PIK3R3: variants seen among roughly 807,000 people sequenced by gnomAD.
PIK3R3 encodes the protein phosphatidylinositol 3-kinase regulatory subunit gamma.
In PIK3R3, 64 loss-of-function variants were observed where a neutral mutation model predicts 62.9. The observed-to-expected ratio is 1.02, with a 90% CI of 0.83 to 1.25. The LOEUF is 1.25. PIK3R3 is among the 50% of genes most tolerant of loss of function. PIK3R3 has a pLI of 0.00. For synonymous variants in PIK3R3, 165 were observed against 189.0 expected (o/e 0.87, Z 1.04); for missense variants, 614 against 561.6 (o/e 1.09, Z -0.94).
At chr1:46,102,861 T>C (rs1030010240) in intron 1 of PIK3R3, among the ~76,000 whole-genome samples, 3 of 132,076 alleles carry the variant, frequency 2.3e-5, no homozygotes, top group Admixed American at 7.9e-5. Flanking sequence ...AGAGACATTA[T>C]AGTAGCAGAC....
At chr1:46,136,068 T>C (rs1159215278), upstream of PIK3R3, among the ~76,000 whole-genome samples, 1 of 140,294 alleles carries the variant, frequency 7.1e-6, no homozygotes, top group Non-Finnish European at 1.6e-5. Flanking sequence ...AATGGAAATA[T>C]ACTTTTTTTT....
chr1:46,095,750 T>G (rs1652064265), intron 1 of PIK3R3, among the ~76,000 whole-genome samples: 1 of 152,210 alleles, frequency 6.6e-6, no homozygotes, highest in Non-Finnish European at 1.5e-5. Context: ...ATTGATACAT[T>G]AATGTGATTC....
In PIK3R3 at chr1:46,077,586, A is replaced by T; in HGVS notation, c.243T>A (p.Asp81Glu). The T allele has an allele frequency of 1.9e-6, 3 of 1,611,274 alleles. No homozygotes were observed. The highest frequency in any genetic ancestry group is 2.5e-6 in the Non-Finnish European group (3 of 1,177,464). The change falls in exon 3 of 10, where the codon GAT (aspartate) becomes GAA (glutamate). Residue 81 changes from aspartate (D) to glutamate (E), a missense_variant. Physicochemically the swap from Asp to Glu is conservative, Grantham distance 45 (BLOSUM62 2). Coordinates refer to ENST00000262741, the MANE Select transcript of PIK3R3 (RefSeq NM_003629.4). ...SREEVNDKLR[D>E]MPDGTFLVRD... is the part of the protein sequence containing the mutation. The stretch of plus-strand genomic sequence containing the variant: ...GGACCAAGAAGGTCCCATCTGGCAT[A>T]TCCCGCAATTTGTCATTTACCTCCT...
At position 46,043,725 on chromosome 1, in the gene PIK3R3, T is replaced by G; in HGVS notation, c.1334A>C (p.Asn445Thr). 1.2e-6 allele frequency: 2 copies of G among 1,614,220 alleles called. No individual in the cohort carries two copies. Among genetic ancestry groups the G allele is most frequent in the Non-Finnish European group, 1.7e-6 (2 of 1,180,026 alleles). Residue 445 changes from asparagine (N) to threonine (T), a missense_variant, in exon 10 of 10, where the codon AAC becomes ACC. Coordinates refer to ENST00000262741, the MANE Select transcript of PIK3R3 (RefSeq NM_003629.4). ...TSLVQHNDSL[N>T]VRLAYPVHAQ... is the part of the protein sequence containing the mutation. ...ATGAACAGGGTAGGCAAGCCTGACG[T>G]TGAGGGAGTCGTTGTGCTGAACCAA...
intron 1 of PIK3R3, among the ~76,000 whole-genome samples, chr1:46,094,449 CTAAAAA>C (rs1305898580): frequency 1.3e-5 from 2 of 151,784 alleles, no homozygotes; most frequent in East Asian, 3.9e-4. Context: ...TTTTGAAAGC[CTAAAAA>C]TAAAATTATG....
At chr1:46,045,617 CTTTTTT>C (rs1031388121) in intron 9 of PIK3R3, among the ~76,000 whole-genome samples, 15 of 21,212 alleles carry the variant, frequency 7.1e-4, no homozygotes, top group East Asian at 2.6e-3. Flanking sequence ...CAATTAAGTG[CTTTTTT>C]TTTTTTTTTT....
chr1:46,109,411 T>C, intron 1 of PIK3R3, among the ~76,000 whole-genome samples: 1 of 152,150 alleles, frequency 6.6e-6, no homozygotes. Flanking sequence ...TCACTTTAAA[T>C]TGTACACTGT....
intron 3 of PIK3R3, among the ~76,000 whole-genome samples, chr1:46,076,917 T>TA (rs910939916): frequency 2.6e-5 from 4 of 152,228 alleles, no homozygotes; most frequent in African/African-American, 4.8e-5. Flanking sequence ...ATTTCCTTTT[T>TA]AAAAAAAATC....
At chr1:46,052,046 G>A (rs915707395) in intron 7 of PIK3R3, among the ~76,000 whole-genome samples, 1 of 152,072 alleles carries the variant, frequency 6.6e-6, no homozygotes, top group Non-Finnish European at 1.5e-5. Context: ...GCTGAGGCAG[G>A]AGAATGGCGT....
At chr1:46,048,893 TA>T (rs1647184423) in intron 7 of PIK3R3, among the ~76,000 whole-genome samples, 1 of 152,198 alleles carries the variant, frequency 6.6e-6, no homozygotes, top group South Asian at 2.1e-4. Context: ...GATTAGATTT[TA>T]AAAACCATTT....
At chr1:46,105,882 A>T (rs758419460) in intron 1 of PIK3R3, among the ~76,000 whole-genome samples, 4 of 152,186 alleles carry the variant, frequency 2.6e-5, no homozygotes, top group Non-Finnish European at 2.9e-5. Flanking sequence ...AAAACAGCTC[A>T]TAATTGAAGC....
rs1256331366 is a variant in PIK3R3, at chr1:46,046,631, A to C, written c.942-6T>G. The C allele has an allele frequency of 3.1e-6, 5 of 1,606,942 alleles. No homozygotes were observed. In the Admixed American group the frequency reaches 8.3e-5, roughly 27 times the overall value. Reference sequence around the variant, plus strand: ...CTCCTTTGTGATTGAGCCATCTGCCAGAGGAAAGACACCAGTGTCAGTATC... The same window carrying C: ...CTCCTTTGTGATTGAGCCATCTGCCCGAGGAAAGACACCAGTGTCAGTATC... On this transcript the variant is annotated splice_polypyrimidine_tract_variant and splice_region_variant and intron_variant, in intron 7 of 9. Transcript: ENST00000262741.
chr1:46,133,296 T>C (rs937657367), upstream of PIK3R3, among the ~76,000 whole-genome samples: 4 of 152,336 alleles, frequency 2.6e-5, no homozygotes, highest in Non-Finnish European at 4.4e-5. Flanking sequence ...TCAAACTGCC[T>C]GGAGACAGGC....
chr1:46,161,482 C>T, the PIK3R3 span, among the ~76,000 whole-genome samples: 25 of 152,244 alleles, frequency 1.6e-4, no homozygotes, highest in African/African-American at 6.0e-4. Flanking sequence ...ATTGGCACAA[C>T]CTTTCTGGAA....
the PIK3R3 span, among the ~76,000 whole-genome samples, chr1:46,168,021 T>C: frequency 2.0e-5 from 3 of 152,070 alleles, no homozygotes; most frequent in Admixed American, 1.3e-4. Flanking sequence ...CTGTGTGTGG[T>C]GGCGCATGCT....
chr1:46,137,485 C>G (rs1406369808), upstream of PIK3R3, among the ~76,000 whole-genome samples: 1 of 152,184 alleles, frequency 6.6e-6, no homozygotes, highest in African/African-American at 2.4e-5. Flanking sequence ...AATGTGTGGT[C>G]CTTTACTTCT....
intron 1 of PIK3R3, among the ~76,000 whole-genome samples, chr1:46,120,308 T>C (rs952412300): frequency 1.3e-5 from 2 of 152,232 alleles, no homozygotes; most frequent in Non-Finnish European, 2.9e-5. Flanking sequence ...CTGGGCGCGG[T>C]GGCTCACGCC....
chr1:46,162,361 G>A, the PIK3R3 span, among the ~76,000 whole-genome samples: 1 of 151,724 alleles, frequency 6.6e-6, no homozygotes, highest in African/African-American at 2.4e-5. Flanking sequence ...GTGTGTGCCT[G>A]TAGTTCCAGC....
At chr1:46,051,409 C>T (rs1031715936) in intron 7 of PIK3R3, among the ~76,000 whole-genome samples, 5 of 151,998 alleles carry the variant, frequency 3.3e-5, no homozygotes, top group African/African-American at 9.7e-5. Context: ...TACAGGCATG[C>T]GCCACCATGC....
Sources: gnomAD v4.1 joint callset for allele counts (sites outside exome capture counted in the v4.1 genomes callset) on GRCh38, gnomAD v4.1.1 for gene constraint, MANE v1.5 for transcripts, NCBI Gene and HGNC (gene_info 2026-07-23, HGNC 2026-07-21) for gene names.